Variants in MYO16 observed in about 807,000 individuals in gnomAD.
The protein encoded by MYO16 is myosin XVI.
MYO16 carries 94 observed loss-of-function variants against 205.3 expected under a neutral mutation model. The observed-to-expected ratio is 0.46, with a 90% CI of 0.39 to 0.54. The LOEUF (loss-of-function observed/expected upper bound fraction) is 0.54, where lower values mean the gene tolerates loss of function less well. MYO16 is among the 20% of genes least tolerant of loss of function. MYO16 has a pLI of 0.00. For missense variants in MYO16, 2,315 were observed against 2,387.5 expected, an observed-to-expected ratio of 0.97 and a Z score of 0.63; for synonymous variants, 988 against 954.0, an observed-to-expected ratio of 1.04 and a Z score of -0.66.
At position 109,074,990 on chromosome 13, in the gene MYO16, G is replaced by T. The variant is rs74767918; in HGVS notation, c.3335+19395G>T. ...CATAAATTGTTTACTCTTGCGTCTG[G>T]TTTCCTTCACTCAGCATCATAATTT... On this transcript the variant is annotated intron_variant, in intron 27 of 34. Transcript: ENST00000457511. Among the ~76,000 whole-genome samples the T allele has an allele frequency of 5.9e-3, 901 of 152,202 alleles. 10 individuals carry two copies. Among genetic ancestry groups the T allele is most frequent in the African/African-American group, 0.02 (846 of 41,518 alleles).
intron 9 of MYO16, among the ~76,000 whole-genome samples, chr13:108,834,223 C>T (rs906906587): frequency 2.6e-5 from 4 of 152,188 alleles, no homozygotes; most frequent in Non-Finnish European, 5.9e-5. Context: ...GGGGAAAGTA[C>T]GTAGCACTTT....
At chr13:108,588,441 C>A in the MYO16 span, among the ~76,000 whole-genome samples, 5 of 152,124 alleles carry the variant, frequency 3.3e-5, no homozygotes, top group Non-Finnish European at 7.3e-5. Flanking sequence ...TCTGCAGCAT[C>A]TTTGAAACCA....
intron 4 of MYO16, among the ~76,000 whole-genome samples, chr13:108,731,120 T>C (rs1884507168): frequency 6.6e-6 from 1 of 152,196 alleles, no homozygotes; most frequent in Non-Finnish European, 1.5e-5. Context: ...ATTTGATGTA[T>C]ATTCAGTAAT....
rs767108701 is a variant in MYO16 at position 108,961,637 on chromosome 13, C to T, written c.2136C>T (p.Asp712=). 5.0e-6 allele frequency: 8 copies of T among 1,613,454 alleles called. No homozygotes were observed. Among genetic ancestry groups the T allele is most frequent in the Non-Finnish European group, 5.9e-6 (7 of 1,179,388 alleles). ...LNEGNSAFVS[D]LQLLEQVAGM... ...AGGGGAACTCCGCCTTCGTTTCTGA[C>T]CTCCAGCTCCTGGAACAAGGTCAGT... The change falls in exon 18 of 35, where the codon GAC becomes GAT. Residue 712 remains aspartate, a synonymous_variant. Coordinates refer to ENST00000457511, the MANE Select transcript of MYO16 (RefSeq NM_001198950.3).
chr13:108,644,410 ATCT>A (rs1269854790), intron 1 of MYO16, among the ~76,000 whole-genome samples: 5 of 127,320 alleles, frequency 3.9e-5, no homozygotes. Context: ...CTATCTATCT[ATCT>A]ATCATCTGTT....
intron 2 of MYO16, among the ~76,000 whole-genome samples, chr13:108,692,959 A>G (rs985750474): frequency 6.6e-6 from 1 of 152,186 alleles, no homozygotes; most frequent in Admixed American, 6.5e-5. Flanking sequence ...TCTCACGACT[A>G]CATGTACATA....
At chr13:108,959,676 G>C (rs1391784564) in intron 17 of MYO16, among the ~76,000 whole-genome samples, 3 of 152,198 alleles carry the variant, frequency 2.0e-5, no homozygotes, top group East Asian at 3.9e-4. Flanking sequence ...ATCAACACTG[G>C]TGATTGTGGT....
chr13:108,864,333 T>C (rs1053059567), intron 11 of MYO16, among the ~76,000 whole-genome samples: 75 of 152,186 alleles, frequency 4.9e-4, no homozygotes, highest in African/African-American at 1.8e-3. Flanking sequence ...AGTTATGATA[T>C]AATAGAAATA....
At chr13:109,206,144 A>ATG (rs1880589469) in intron 34 of MYO16, among the ~76,000 whole-genome samples, 3 of 151,850 alleles carry the variant, frequency 2.0e-5, no homozygotes, top group African/African-American at 7.3e-5. Context: ...AAGTGAGGTC[A>ATG]TGTAACCCTA....
the MYO16 span, among the ~76,000 whole-genome samples, chr13:108,584,685 CT>C: frequency 6.6e-6 from 1 of 152,062 alleles, no homozygotes; most frequent in East Asian, 1.9e-4. Context: ...ATGAGTTACC[CT>C]TTTTTAGCTC....
chr13:108,857,490 A>G (rs1010485136), intron 11 of MYO16, among the ~76,000 whole-genome samples: 3 of 152,194 alleles, frequency 2.0e-5, no homozygotes, highest in Non-Finnish European at 2.9e-5. Context: ...CAAATGGTGA[A>G]TAAGGACTAT....
intron 4 of MYO16, among the ~76,000 whole-genome samples, chr13:108,742,882 G>A (rs1462232877): frequency 6.6e-6 from 1 of 152,192 alleles, no homozygotes; most frequent in African/African-American, 2.4e-5. Context: ...TTTGGATCAT[G>A]TGGTTTTTAT....
chr13:108,733,207 A>C (rs1884580557), intron 4 of MYO16, among the ~76,000 whole-genome samples: 1 of 152,172 alleles, frequency 6.6e-6, no homozygotes, highest in African/African-American at 2.4e-5. Flanking sequence ...TTGAACCACA[A>C]ATGTGTTTTG....
At chr13:108,825,321 G>A (rs1251088658) in intron 9 of MYO16, among the ~76,000 whole-genome samples, 1 of 151,850 alleles carries the variant, frequency 6.6e-6, no homozygotes, top group Non-Finnish European at 1.5e-5. Context: ...TGCAGAAAAA[G>A]CATTTGACAA....
chr13:108,634,029 C>T (rs1410094046), intron 1 of MYO16, among the ~76,000 whole-genome samples: 1 of 152,138 alleles, frequency 6.6e-6, no homozygotes, highest in Non-Finnish European at 1.5e-5. Context: ...CCCCCCTTTC[C>T]AGCATGTCTG....
At chr13:108,999,040 C>T (rs1422034932) in intron 21 of MYO16, among the ~76,000 whole-genome samples, 1 of 152,084 alleles carries the variant, frequency 6.6e-6, no homozygotes, top group Admixed American at 6.5e-5. Flanking sequence ...ATTGAGTCTA[C>T]CTCTTGATGG....
At chr13:108,496,254 G>A in the MYO16 span, among the ~76,000 whole-genome samples, 2 of 152,350 alleles carry the variant, frequency 1.3e-5, no homozygotes, top group Admixed American at 6.5e-5. Flanking sequence ...CCCAGAAGGA[G>A]GGGGCGAAAC....
At chr13:108,638,638 T>A (rs181654684) in intron 1 of MYO16, among the ~76,000 whole-genome samples, 2,792 of 152,272 alleles carry the variant, frequency 0.018, 29 homozygotes, top group South Asian at 0.039. Flanking sequence ...CCTCTCACTT[T>A]TCCCACCTAT....
Position 109,125,448 on chromosome 13 carries a change from ATCAAATATGACAGGAGTT to A in MYO16, c.3782+91_3782+108del. ...CAAATAGCCCTTAATGCAGAGTTCAATCAAATATGACAGGAGTTGCAGGAACAGGCATGCGTGGTTTGT... is the reference window on the plus strand; with the variant it reads ...CAAATAGCCCTTAATGCAGAGTTCAAGCAGGAACAGGCATGCGTGGTTTGT... On this transcript the variant is annotated intron_variant, in intron 30 of 34. Coordinates refer to ENST00000457511, the MANE Select transcript of MYO16 (RefSeq NM_001198950.3). This position sits in a 1 kb window ranked among gnomAD's most constrained non-coding sequence, Gnocchi z 4.0. The A allele has an allele frequency of 6.6e-7, 1 of 1,516,094 alleles. No individual in the cohort carries two copies. The highest frequency in any genetic ancestry group is 9.0e-7 in the Non-Finnish European group (1 of 1,116,186). 93.9% of individuals were successfully genotyped at this position (1,516,094 alleles called of 1,614,324 possible).
Sources: allele counts gnomAD v4.1 joint callset (sites outside exome capture counted in the v4.1 genomes callset), GRCh38; gene constraint gnomAD v4.1.1; non-coding constraint Gnocchi (gnomAD v3.1); transcripts MANE v1.5; gene names NCBI Gene and HGNC (gene_info 2026-07-23, HGNC 2026-07-21).